AFG2A: variants seen among roughly 807,000 people sequenced by gnomAD.
The protein encoded by AFG2A is AAA ATPase AFG2A, also known as ATPase family gene 2 protein homolog A.
chr4:123,160,495 T>A, the AFG2A span, among the ~76,000 whole-genome samples: 1 of 152,210 alleles, frequency 6.6e-6, no homozygotes, highest in African/African-American at 2.4e-5. Context: ...TGTGATAACC[T>A]GTCATTCTGT....
chr4:123,059,002 G>A, the AFG2A span, among the ~76,000 whole-genome samples: 1 of 152,030 alleles, frequency 6.6e-6, no homozygotes, highest in Non-Finnish European at 1.5e-5. Flanking sequence ...TACTTCCTAG[G>A]TACTATGGGG....
At chr4:123,177,305 G>T in the AFG2A span, among the ~76,000 whole-genome samples, 1 of 150,512 alleles carries the variant, frequency 6.6e-6, no homozygotes, top group Non-Finnish European at 1.5e-5. Context: ...CAATTCTCCT[G>T]CCTCAGCCTC....
At chr4:123,096,712 G>A in the AFG2A span, among the ~76,000 whole-genome samples, 1 of 151,940 alleles carries the variant, frequency 6.6e-6, no homozygotes, top group Non-Finnish European at 1.5e-5. Context: ...TAGGAAATTT[G>A]AAGGACTTCA....
At chr4:123,125,602 T>C in the AFG2A span, among the ~76,000 whole-genome samples, 14 of 152,292 alleles carry the variant, frequency 9.2e-5, 1 homozygote, top group South Asian at 2.9e-3. Flanking sequence ...TCTTACTGTG[T>C]TCAATTCCAT....
chr4:122,934,220 C>T, the AFG2A span: 1 of 1,614,202 alleles, frequency 6.2e-7, no homozygotes, highest in Non-Finnish European at 8.5e-7. Flanking sequence ...CAGAGTGACT[C>T]TGACACTGAT....
the AFG2A span, among the ~76,000 whole-genome samples, chr4:123,149,155 A>G: frequency 2.0e-5 from 3 of 152,206 alleles, no homozygotes; most frequent in African/African-American, 7.2e-5. Context: ...AATAAATTTG[A>G]TAAGTTACAG....
At chr4:123,215,131 A>C in the AFG2A span, among the ~76,000 whole-genome samples, 335 of 152,220 alleles carry the variant, frequency 2.2e-3, 2 homozygotes, top group Middle Eastern at 0.014. Context: ...TTCCATTTGT[A>C]ATTAAAATTG....
At chr4:122,945,698 A>G in the AFG2A span, among the ~76,000 whole-genome samples, 1 of 152,160 alleles carries the variant, frequency 6.6e-6, no homozygotes, top group Non-Finnish European at 1.5e-5. Context: ...TGAACCTGGT[A>G]CCTCAGATGG....
At chr4:123,005,114 G>T in the AFG2A span, among the ~76,000 whole-genome samples, 1,851 of 152,014 alleles carry the variant, frequency 0.012, 43 homozygotes, top group African/African-American at 0.041. Context: ...TTGGCTAGAG[G>T]TCTGTCATTT....
At chr4:123,065,457 C>A in the AFG2A span, among the ~76,000 whole-genome samples, 1 of 151,936 alleles carries the variant, frequency 6.6e-6, no homozygotes, top group African/African-American at 2.4e-5. Context: ...TAACATAATA[C>A]CTGGTATTTA....
chr4:123,056,885 G>A, the AFG2A span, among the ~76,000 whole-genome samples: 6 of 151,918 alleles, frequency 3.9e-5, no homozygotes, highest in Non-Finnish European at 8.8e-5. Flanking sequence ...GCTTACAGAA[G>A]TGAAGTTAAC....
At chr4:123,270,842 A>G in the AFG2A span, among the ~76,000 whole-genome samples, 3 of 152,322 alleles carry the variant, frequency 2.0e-5, no homozygotes, top group Admixed American at 6.5e-5. Context: ...CTTAGGTTCA[A>G]CCTAAAAAGC....
the AFG2A span, among the ~76,000 whole-genome samples, chr4:122,930,168 T>C: frequency 6.6e-6 from 1 of 152,214 alleles, no homozygotes; most frequent in Non-Finnish European, 1.5e-5. Flanking sequence ...GTCATTACTA[T>C]CAGATTTTAA....
At chr4:123,277,400 A>C in the AFG2A span, among the ~76,000 whole-genome samples, 1 of 152,124 alleles carries the variant, frequency 6.6e-6, no homozygotes, top group Non-Finnish European at 1.5e-5. Flanking sequence ...GGTTTTCTAG[A>C]TATAGAATCA....
chr4:123,191,412 G>C, the AFG2A span, among the ~76,000 whole-genome samples: 1 of 150,268 alleles, frequency 6.7e-6, no homozygotes, highest in Non-Finnish European at 1.5e-5. Flanking sequence ...CATAGTGCCT[G>C]CTCTACCATG....
At chr4:123,229,143 A>T in the AFG2A span, among the ~76,000 whole-genome samples, 1 of 152,032 alleles carries the variant, frequency 6.6e-6, no homozygotes, top group African/African-American at 2.4e-5. Flanking sequence ...GTATTTAAAA[A>T]AATAGTTATA....
At chr4:123,177,465 C>G in the AFG2A span, among the ~76,000 whole-genome samples, 7 of 152,192 alleles carry the variant, frequency 4.6e-5, no homozygotes, top group East Asian at 1.4e-3. Flanking sequence ...GAGACCTTGG[C>G]CTCCCAAAGT....
At chr4:123,245,154 A>T in the AFG2A span, among the ~76,000 whole-genome samples, 2,149 of 152,288 alleles carry the variant, frequency 0.014, 48 homozygotes, top group African/African-American at 0.048. Flanking sequence ...TAGGGGAAGT[A>T]CAAGGAGTTC....
chr4:122,996,184 C>T, the AFG2A span, among the ~76,000 whole-genome samples: 112 of 152,242 alleles, frequency 7.4e-4, 3 homozygotes, highest in South Asian at 2.1e-3. Context: ...CACATGCTGT[C>T]CTCCCATCTG....
Sources: gnomAD v4.1 joint callset for allele counts (sites outside exome capture counted in the v4.1 genomes callset) on GRCh38, gnomAD v4.1.1 for gene constraint, MANE v1.5 for transcripts, NCBI Gene and HGNC (gene_info 2026-07-23, HGNC 2026-07-21) for gene names.